Variants in PKD1L1 observed in about 807,000 individuals in gnomAD.
PKD1L1 encodes polycystin 1 like 1, transient receptor potential channel interacting.
Under a neutral mutation model 323.4 loss-of-function variants are expected in PKD1L1, and 236 were observed. The ratio of observed to expected loss-of-function variants is 0.73; its 90% CI spans 0.66 to 0.81. PKD1L1 has a LOEUF of 0.81. Among genes scored for constraint, PKD1L1 ranks in the 40% least tolerant of loss-of-function variants. The probability of loss-of-function intolerance (pLI) is 0.00; values close to 1 mark genes in which losing one functional copy is unlikely to be tolerated. For missense variants in PKD1L1, 3,320 were observed against 3,508.0 expected, an observed-to-expected ratio of 0.95 and a Z score of 1.35; for synonymous variants, 1,344 against 1,335.0, an observed-to-expected ratio of 1.01 and a Z score of -0.15.
intron 56 of PKD1L1, among the ~76,000 whole-genome samples, chr7:47,776,168 A>G (rs1036956864): frequency 1.3e-5 from 2 of 152,358 alleles, no homozygotes; most frequent in Admixed American, 1.3e-4. Context: ...TTAAAAATTG[A>G]ATTCATAGTT....
In PKD1L1 at chr7:47,786,450, T is replaced by C. The variant is rs377016035; in HGVS notation, c.8526+6177A>G. Among the ~76,000 whole-genome samples the C allele has an allele frequency of 8.5e-5, 13 of 152,296 alleles. No homozygotes were observed. The East Asian group carries it at 2.1e-3, about 25-fold the overall frequency. On this transcript the variant is annotated intron_variant, in intron 56 of 56. Coordinates refer to ENST00000289672, the MANE Select transcript of PKD1L1 (RefSeq NM_138295.5). The stretch of plus-strand genomic sequence containing the variant: ...GCACGCCAGTCTTCACAGATTGTGT[T>C]GGGGACCCCAAATGTGAAAGGGAAT...
intron 54 of PKD1L1, among the ~76,000 whole-genome samples, chr7:47,797,204 T>TCTGCTGCCCCTCTCCCC (rs1473987448): frequency 6.6e-6 from 1 of 152,196 alleles, no homozygotes; most frequent in African/African-American, 2.4e-5. Flanking sequence ...AAGCTCTCTC[T>TCTGCTGCCCCTCTCCCC]CTGCTGCCCC....
chr7:47,872,829 G>A (rs969044401), intron 24 of PKD1L1, among the ~76,000 whole-genome samples: 1 of 152,168 alleles, frequency 6.6e-6, no homozygotes, highest in Non-Finnish European at 1.5e-5. Flanking sequence ...CAAGGAAAAT[G>A]AAACCACACA....
Position 47,839,906 on chromosome 7 carries a change from A to AAAG in PKD1L1, c.5553-247_5553-245dup, listed in dbSNP as rs1785533573. On this transcript the variant is annotated intron_variant, in intron 35 of 56. Coordinates refer to ENST00000289672, the MANE Select transcript of PKD1L1 (RefSeq NM_138295.5). The surrounding 1 kb of genome is among the most constrained non-coding windows in gnomAD (Gnocchi z 4.3). The stretch of plus-strand genomic sequence containing the variant: ...CAATATCCACCAGCTTTCCCAAACC[A>AAAG]AAGTTACACAAATCTCGTTCATGTA... 6.6e-6 allele frequency among the ~76,000 whole-genome samples: 1 copy of AAAG among 152,230 alleles called. No individual in the cohort carries two copies. Among genetic ancestry groups the AAAG allele is most frequent in the Admixed American group, 6.5e-5 (1 of 15,284 alleles).
intron 26 of PKD1L1, among the ~76,000 whole-genome samples, chr7:47,864,845 C>T (rs896076990): frequency 6.6e-6 from 1 of 151,762 alleles, no homozygotes; most frequent in Non-Finnish European, 1.5e-5. Context: ...CAGTAGAGTA[C>T]TCCTCCTGAG....
At chr7:47,848,427 A>T (rs189628929) in intron 31 of PKD1L1, among the ~76,000 whole-genome samples, 4 of 152,366 alleles carry the variant, frequency 2.6e-5, no homozygotes, top group Admixed American at 2.6e-4. Context: ...CACAATGCAA[A>T]TGAGTGTAAG....
chr7:47,830,034 TCTTAC>T lies in PKD1L1; in HGVS notation c.6558+1_6558+5del. On this transcript the variant is annotated splice_donor_variant and splice_donor_5th_base_variant and intron_variant, in intron 43 of 56. Coordinates refer to ENST00000289672, the MANE Select transcript of PKD1L1 (RefSeq NM_138295.5). LOFTEE classifies it high-confidence loss of function. ...AGGCACTTCTACCATGGAGGGTGTT[TCTTAC>T]CATAAGTGGCTGGGTGATGAAAATA... 6.2e-7 allele frequency: 1 copy of T among 1,613,826 alleles called. No homozygotes were observed. Among genetic ancestry groups the T allele is most frequent in the Non-Finnish European group, 8.5e-7 (1 of 1,179,696 alleles).
At chr7:47,841,536 G>T (rs1446465219) in intron 34 of PKD1L1, among the ~76,000 whole-genome samples, 2 of 152,184 alleles carry the variant, frequency 1.3e-5, no homozygotes, top group Non-Finnish European at 2.9e-5. Context: ...ATTATGAATA[G>T]ATTTAATTGG....
chr7:47,865,887 G>A (rs1023975454), intron 25 of PKD1L1, among the ~76,000 whole-genome samples: 7 of 150,196 alleles, frequency 4.7e-5, no homozygotes, highest in Admixed American at 6.6e-5. Context: ...GAGCCACTGC[G>A]CCCAGCCAGA....
At chr7:47,852,576 G>A (rs1785805248) in intron 31 of PKD1L1, among the ~76,000 whole-genome samples, 2 of 152,194 alleles carry the variant, frequency 1.3e-5, no homozygotes, top group African/African-American at 4.8e-5. Context: ...AGCCCACTGA[G>A]CTCCAGTTTC....
At chr7:47,797,574 T>C (rs1241625846) in intron 54 of PKD1L1, among the ~76,000 whole-genome samples, 2 of 152,164 alleles carry the variant, frequency 1.3e-5, no homozygotes, top group Non-Finnish European at 2.9e-5. Flanking sequence ...CTCAATGCAA[T>C]ATTGCCTGCC....
At chr7:47,791,585 A>G (rs1387927880) in intron 56 of PKD1L1, among the ~76,000 whole-genome samples, 1 of 151,884 alleles carries the variant, frequency 6.6e-6, no homozygotes, top group African/African-American at 2.4e-5. Flanking sequence ...TCATTTTTAC[A>G]TACTGCTTTT....
At position 47,839,021 on chromosome 7, in the gene PKD1L1, T is replaced by C. The variant is rs1438736025; in HGVS notation, c.5769+425A>G. Among the ~76,000 whole-genome samples the C allele has an allele frequency of 1.3e-5, 2 of 152,170 alleles. No individual in the cohort carries two copies. Among genetic ancestry groups the C allele is most frequent in the Non-Finnish European group, 2.9e-5 (2 of 68,026 alleles). On this transcript the variant is annotated intron_variant, in intron 36 of 56. Transcript: ENST00000289672. The surrounding 1 kb of genome is among the most constrained non-coding windows in gnomAD (Gnocchi z 4.3). ...CATGGTTAGTTTGTGAGGTTATCTGTTATTCTGTCACTCTGGCTATCTCCT... is the reference window on the plus strand; with the variant it reads ...CATGGTTAGTTTGTGAGGTTATCTGCTATTCTGTCACTCTGGCTATCTCCT...
At chr7:47,806,251 G>GC (rs1784775233) in intron 52 of PKD1L1, among the ~76,000 whole-genome samples, 1 of 152,156 alleles carries the variant, frequency 6.6e-6, no homozygotes, top group Non-Finnish European at 1.5e-5. Flanking sequence ...CATTCACTCT[G>GC]CCCCCTATTC....
chr7:47,915,067 G>T (rs1787399256), intron 8 of PKD1L1, among the ~76,000 whole-genome samples: 1 of 151,050 alleles, frequency 6.6e-6, no homozygotes, highest in African/African-American at 2.5e-5. Flanking sequence ...CACAAAAGAG[G>T]CCACATGACA....
chr7:47,833,593 T>C (rs1490170980), intron 40 of PKD1L1, among the ~76,000 whole-genome samples: 1 of 151,660 alleles, frequency 6.6e-6, no homozygotes, highest in African/African-American at 2.4e-5. Context: ...AGCCTCCAAG[T>C]GGGGAGGGCG....
At chr7:47,945,753 T>C (rs749115627) in intron 1 of PKD1L1, among the ~76,000 whole-genome samples, 30 of 152,080 alleles carry the variant, frequency 2.0e-4, no homozygotes, top group Non-Finnish European at 4.0e-4. Flanking sequence ...TGCCCACCAC[T>C]CTGGGCCCAC....
Position 47,834,382 on chromosome 7 carries a change from G to A in PKD1L1, c.6131C>T (p.Pro2044Leu), listed in dbSNP as rs1785412434. The stretch of plus-strand genomic sequence containing the variant: ...GTCTGGTATCCTTCCCCAGGAATTA[G>A]GACCTGATTCAAAAAAATAAAAATC... The part of the protein sequence containing the change: ...GGAQTEAPHG[P>L]NSWGRIPDAQ... The change falls in exon 40 of 57, where the codon CCT (proline) becomes CTT (leucine). Residue 2044 changes from proline (P) to leucine (L), a missense_variant. Coordinates refer to ENST00000289672, the MANE Select transcript of PKD1L1 (RefSeq NM_138295.5). 1 of 1,613,768 alleles carries A rather than the reference G, an allele frequency of 6.2e-7. No individual in the cohort carries two copies. The highest frequency in any genetic ancestry group is 8.5e-7 in the Non-Finnish European group (1 of 1,179,688).
Position 47,800,899 on chromosome 7 carries a change from A to G in PKD1L1, c.7963-20T>C. The G allele has an allele frequency of 1.2e-6, 2 of 1,603,204 alleles. No individual in the cohort carries two copies. The highest frequency in any genetic ancestry group is 1.7e-6 in the Non-Finnish European group (2 of 1,170,364). On this transcript the variant is annotated intron_variant, in intron 53 of 56. Transcript: ENST00000289672. ...CACCAGCTGCAGAAAGAAAATCCAG[A>G]GAGCACTGACCTTGTCACCTCTTCT... is the stretch of plus-strand genomic sequence containing the variant.
Sources: allele counts gnomAD v4.1 joint callset (sites outside exome capture counted in the v4.1 genomes callset), GRCh38; gene constraint gnomAD v4.1.1; non-coding constraint Gnocchi (gnomAD v3.1); transcripts MANE v1.5; gene names NCBI Gene and HGNC (gene_info 2026-07-23, HGNC 2026-07-21).